Variants in HDGFL3 observed in about 807,000 individuals in gnomAD.
HDGFL3 encodes the protein hepatoma-derived growth factor-related protein 3.
HDGFL3 carries 6 observed loss-of-function variants against 27.6 expected under a neutral mutation model. The ratio of observed to expected loss-of-function variants is 0.22; its 90% CI spans 0.12 to 0.43. HDGFL3 has a LOEUF of 0.43. HDGFL3 is among the 20% of genes least tolerant of loss of function. The pLI is 1.00. For missense variants in HDGFL3, 207 were observed against 250.1 expected (o/e 0.83, Z 1.16); for synonymous variants, 88 against 88.9 (o/e 0.99, Z 0.05).
downstream of HDGFL3, chr15:83,122,969 G>T: frequency 4.1e-6 from 6 of 1,465,446 alleles, no homozygotes; most frequent in South Asian, 1.3e-5. Flanking sequence ...TGCCTCTGTG[G>T]ACTGGAGCAT....
intron 1 of HDGFL3, among the ~76,000 whole-genome samples, chr15:83,200,475 A>C (rs1596570828): frequency 6.6e-6 from 1 of 152,250 alleles, no homozygotes; most frequent in Non-Finnish European, 1.5e-5. Context: ...TGAAAAACAT[A>C]CCTTCCAAAC....
chr15:83,169,153 A>G (rs1226174927), intron 1 of HDGFL3: 1 of 433,358 alleles, frequency 2.3e-6, no homozygotes, highest in Non-Finnish European at 4.6e-6. Context: ...CCCACAGCCA[A>G]TATCATACCA....
At chr15:83,122,615 G>C in intron 3 of HDGFL3, 1 of 811,520 alleles carries the variant, frequency 1.2e-6, no homozygotes, top group Non-Finnish European at 1.9e-6. Context: ...ATTTTAAATT[G>C]ACCTTTTTAA....
At chr15:83,115,116 C>G (rs1053363290) in exon 4 of HDGFL3, 1 of 154,638 alleles carries the variant, frequency 6.5e-6, no homozygotes, top group Non-Finnish European at 1.4e-5. Context: ...TTCGTCAAGT[C>G]ATTGTCTTTT....
intron 1 of HDGFL3, among the ~76,000 whole-genome samples, chr15:83,202,075 CATT>C (rs1660794840): frequency 6.6e-6 from 1 of 152,088 alleles, no homozygotes; most frequent in South Asian, 2.1e-4. Flanking sequence ...CTTAGTAGAT[CATT>C]GTCAAATGCA....
chr15:83,207,288 A>G lies in HDGFL3; in HGVS notation c.84+43T>C. ...GGGCGGGCGCGCCATCATGAAGGGGAAAATGGTGGGCGGGCGGGCCCGCGC... is the reference window on the plus strand; with the variant it reads ...GGGCGGGCGCGCCATCATGAAGGGGGAAATGGTGGGCGGGCGGGCCCGCGC... On this transcript the variant is annotated intron_variant, in intron 1 of 5. Coordinates refer to ENST00000299633, the MANE Select transcript of HDGFL3 (RefSeq NM_016073.4). The surrounding 1 kb of genome is among the most constrained non-coding windows in gnomAD (Gnocchi z 4.8). The G allele has an allele frequency of 1.6e-6, 2 of 1,270,172 alleles. No homozygotes were observed. Among genetic ancestry groups the G allele is most frequent in the Non-Finnish European group, 1.0e-6 (1 of 984,832 alleles). The allele number at this position is 1,270,172 out of a possible 1,614,324, so 78.7% of individuals were successfully genotyped here.
chr15:83,182,999 G>A (rs796985193), intron 1 of HDGFL3, among the ~76,000 whole-genome samples: 7 of 152,148 alleles, frequency 4.6e-5, no homozygotes, highest in African/African-American at 1.7e-4. Flanking sequence ...GTATATTTGA[G>A]TATTTTCAAA....
chr15:83,120,146 G>A lies in HDGFL3; in HGVS notation c.394-4405C>T, dbSNP rs144970434. The stretch of plus-strand genomic sequence containing the variant: ...TCACTCTGCGGCTGGCCCCTTGGCA[G>A]TGGATGTGTATGTACAAGGGATTAA... On this transcript the variant is annotated intron_variant, in intron 3 of 3. Coordinates refer to the HDGFL3 transcript ENST00000568294. The A allele has an allele frequency of 2.7e-3, 463 of 172,142 alleles. 2 individuals are homozygous for A. Among genetic ancestry groups the A allele is most frequent in the African/African-American group, 0.01 (440 of 42,236 alleles). 10.7% of individuals were successfully genotyped at this position (172,142 alleles called of 1,614,324 possible).
intron 4 of HDGFL3, among the ~76,000 whole-genome samples, chr15:83,157,053 A>G (rs1341571495): frequency 3.9e-4 from 60 of 152,224 alleles, no homozygotes; most frequent in Admixed American, 3.9e-3. Context: ...TTACACATAT[A>G]GTACATAGAC....
chr15:83,173,448 A>G (rs1238112568), intron 1 of HDGFL3, among the ~76,000 whole-genome samples: 1 of 152,236 alleles, frequency 6.6e-6, no homozygotes, highest in African/African-American at 2.4e-5. Flanking sequence ...GACCTAAAAT[A>G]CTTTCAACTT....
intron 1 of HDGFL3, among the ~76,000 whole-genome samples, chr15:83,176,170 T>C (rs1276302912): frequency 6.6e-6 from 1 of 152,220 alleles, no homozygotes; most frequent in Non-Finnish European, 1.5e-5. Context: ...TATATGAAGT[T>C]GCACACCTGA....
downstream of HDGFL3, among the ~76,000 whole-genome samples, chr15:83,124,004 A>G (rs1368282275): frequency 1.3e-5 from 2 of 152,208 alleles, no homozygotes; most frequent in African/African-American, 4.8e-5. Context: ...TCTTCAGGAA[A>G]TCATCACACA....
rs746488383 is a variant in HDGFL3 at position 83,139,279 on chromosome 15, T to TAAA, written c.607-7_607-5dup. 8.9e-5 allele frequency: 109 copies of TAAA among 1,226,044 alleles called. No homozygotes were observed. The highest frequency in any genetic ancestry group is 2.5e-4 in the Admixed American group (9 of 36,244). The allele number at this position is 1,226,044 out of a possible 1,614,324, so 75.9% of individuals were successfully genotyped here. A position where few individuals can be genotyped will look rare whatever the true frequency, so the allele number is the denominator to read the frequency against. The stretch of plus-strand genomic sequence containing the variant: ...GCATTCATTATGGTAGTTAGGTCTG[T>TAAA]AAAAAAAAAAAAAAGAAAGAAAACA... On this transcript the variant is annotated splice_polypyrimidine_tract_variant and splice_region_variant and intron_variant, in intron 5 of 5. Coordinates refer to ENST00000299633, the MANE Select transcript of HDGFL3 (RefSeq NM_016073.4).
intron 5 of HDGFL3, among the ~76,000 whole-genome samples, chr15:83,146,561 T>C (rs1373058359): frequency 6.6e-6 from 1 of 152,242 alleles, no homozygotes; most frequent in Non-Finnish European, 1.5e-5. Flanking sequence ...TTGGATTCCA[T>C]GGTCCATTGT....
At chr15:83,140,480 AG>A (rs1567164420) in intron 5 of HDGFL3, among the ~76,000 whole-genome samples, 5 of 111,064 alleles carry the variant, frequency 4.5e-5, no homozygotes, top group Non-Finnish European at 3.6e-5. Flanking sequence ...AACCAAAGAA[AG>A]TTTTTTTTTT....
chr15:83,173,858 A>G (rs1033717554), intron 1 of HDGFL3, among the ~76,000 whole-genome samples: 35 of 152,216 alleles, frequency 2.3e-4, no homozygotes, highest in Non-Finnish European at 1.5e-5. Flanking sequence ...TTTAAAGAAT[A>G]AGAAAAAGGC....
downstream of HDGFL3, chr15:83,126,701 A>G: frequency 6.8e-7 from 1 of 1,461,700 alleles, no homozygotes; most frequent in Non-Finnish European, 9.5e-7. Context: ...TTATCAGCAA[A>G]CCTAAGAACC....
chr15:83,130,696 T>C lies in HDGFL3; in HGVS notation c.*8574A>G, dbSNP rs1397945594. ...CCATGCCGCAACAAAACAATAGATA[T>C]GACCAGAATACTGAATTACGTTATT... is the stretch of plus-strand genomic sequence containing the variant. On this transcript the variant is annotated 3_prime_UTR_variant, in exon 6 of 6. Transcript: ENST00000299633. The C allele has an allele frequency of 2.6e-5, 4 of 152,220 alleles. No homozygotes were observed. 9.4% of individuals were successfully genotyped at this position (152,220 alleles called of 1,614,324 possible).
Position 83,207,300 on chromosome 15 carries a change from G to T in HDGFL3, c.84+31C>A. 1 of 1,317,848 alleles carries T rather than the reference G, an allele frequency of 7.6e-7. No homozygotes were observed. Among genetic ancestry groups the T allele is most frequent in the Non-Finnish European group, 9.8e-7 (1 of 1,022,956 alleles). The allele number at this position is 1,317,848 out of a possible 1,614,324, so 81.6% of individuals were successfully genotyped here. A position where few individuals can be genotyped will look rare whatever the true frequency, so the allele number is the denominator to read the frequency against. ...CATCATGAAGGGGAAAATGGTGGGC[G>T]GGCGGGCCCGCGCGCGGCCGCGGTA... On this transcript the variant is annotated intron_variant, in intron 1 of 5. Coordinates refer to ENST00000299633, the MANE Select transcript of HDGFL3 (RefSeq NM_016073.4). The surrounding 1 kb of genome is among the most constrained non-coding windows in gnomAD (Gnocchi z 4.8).
Sources: gnomAD v4.1 joint callset for allele counts (sites outside exome capture counted in the v4.1 genomes callset) on GRCh38, gnomAD v4.1.1 for gene constraint, Gnocchi (gnomAD v3.1) non-coding constraint, MANE v1.5 for transcripts, NCBI Gene and HGNC (gene_info 2026-07-23, HGNC 2026-07-21) for gene names.